Variants in TSHZ2 observed in about 807,000 individuals in gnomAD.
TSHZ2 encodes the protein teashirt homolog 2.
Under a neutral mutation model 74.4 loss-of-function variants are expected in TSHZ2, and 21 were observed. The ratio of observed to expected loss-of-function variants is 0.28; its 90% CI spans 0.20 to 0.41. The LOEUF (loss-of-function observed/expected upper bound fraction) is 0.41. Among genes scored for constraint, TSHZ2 ranks in the 10% least tolerant of loss-of-function variants. The pLI is 1.00. For missense variants in TSHZ2, 1,244 were observed against 1,293.5 expected (o/e 0.96, Z 0.59); for synonymous variants, 540 against 515.3 (o/e 1.05, Z -0.65).
chr20:53,352,230 CTCTTT>C, intron 2 of TSHZ2, among the ~76,000 whole-genome samples: 1 of 98,378 alleles, frequency 1.0e-5, no homozygotes, highest in African/African-American at 4.0e-5. Context: ...CTCTCCTAAG[CTCTTT>C]TTTTTTTTTT....
intron 1 of TSHZ2, among the ~76,000 whole-genome samples, chr20:53,221,536 T>C (rs1422044237): frequency 6.6e-6 from 1 of 152,196 alleles, no homozygotes; most frequent in Admixed American, 6.5e-5. Flanking sequence ...CGGAGTGGTA[T>C]AAGAAGAAAT....
intron 1 of TSHZ2, among the ~76,000 whole-genome samples, chr20:53,062,437 G>A (rs1027054627): frequency 6.6e-6 from 1 of 152,214 alleles, no homozygotes; most frequent in Non-Finnish European, 1.5e-5. Flanking sequence ...TTGTGACAAT[G>A]TAATTTCAGA....
intron 1 of TSHZ2, among the ~76,000 whole-genome samples, chr20:53,069,307 C>G (rs947445290): frequency 6.6e-5 from 10 of 152,014 alleles, no homozygotes; most frequent in African/African-American, 2.4e-4. Context: ...CAAGATGGGC[C>G]CTACTGAAGA....
chr20:53,275,876 G>A (rs779233217), intron 2 of TSHZ2, among the ~76,000 whole-genome samples: 6 of 152,152 alleles, frequency 3.9e-5, no homozygotes, highest in Admixed American at 6.5e-5. Context: ...GTGGTGAGCC[G>A]AGATCGCACC....
intron 1 of TSHZ2, among the ~76,000 whole-genome samples, chr20:53,006,700 C>A (rs1166726565): frequency 1.3e-5 from 2 of 152,144 alleles, no homozygotes; most frequent in Non-Finnish European, 2.9e-5. Flanking sequence ...ATGTAAACTG[C>A]CATTTTATAA....
chr20:53,335,680 G>A (rs1391455320), intron 2 of TSHZ2, among the ~76,000 whole-genome samples: 2 of 152,230 alleles, frequency 1.3e-5, no homozygotes, highest in Non-Finnish European at 2.9e-5. Context: ...TGAGAAGGGT[G>A]TTGAGGAAGG....
At chr20:52,998,376 C>G (rs1476313486) in intron 1 of TSHZ2, among the ~76,000 whole-genome samples, 1 of 152,174 alleles carries the variant, frequency 6.6e-6, no homozygotes, top group Admixed American at 6.5e-5. Flanking sequence ...GCCATGTTGG[C>G]CAGGCTGGTC....
At chr20:53,436,539 A>ATTTTTTTT (rs1368192791) in intron 2 of TSHZ2, among the ~76,000 whole-genome samples, 26 of 89,988 alleles carry the variant, frequency 2.9e-4, no homozygotes, top group East Asian at 8.1e-4. Context: ...TATTATTATT[A>ATTTTTTTT]TTATTATTAT....
At chr20:53,044,638 T>C (rs1984160346) in intron 1 of TSHZ2, among the ~76,000 whole-genome samples, 1 of 152,156 alleles carries the variant, frequency 6.6e-6, no homozygotes, top group Non-Finnish European at 1.5e-5. Flanking sequence ...CACAGAGTTC[T>C]TGGACCCCAG....
At chr20:53,058,979 A>T (rs1365247980) in intron 1 of TSHZ2, among the ~76,000 whole-genome samples, 11 of 152,230 alleles carry the variant, frequency 7.2e-5, no homozygotes, top group Admixed American at 6.5e-4. Context: ...CTGACAGAAG[A>T]TGACGATAAA....
intron 2 of TSHZ2, among the ~76,000 whole-genome samples, chr20:53,300,569 A>T (rs930098214): frequency 2.0e-5 from 3 of 152,316 alleles, no homozygotes; most frequent in East Asian, 3.9e-4. Context: ...TCTCCAATAG[A>T]TAAAATACAA....
At chr20:53,092,223 G>A (rs1156835561) in intron 1 of TSHZ2, among the ~76,000 whole-genome samples, 8 of 151,864 alleles carry the variant, frequency 5.3e-5, no homozygotes, top group Non-Finnish European at 8.8e-5. Context: ...AGCCCTATAC[G>A]AGAGACCTTA....
chr20:53,460,377 C>G (rs200951548), intron 2 of TSHZ2, among the ~76,000 whole-genome samples: 4 of 152,306 alleles, frequency 2.6e-5, no homozygotes, highest in South Asian at 2.1e-4. Context: ...CGTAGTTCTC[C>G]AGCCTTGGTT....
At chr20:53,108,396 A>G (rs1986440101) in intron 1 of TSHZ2, among the ~76,000 whole-genome samples, 1 of 152,252 alleles carries the variant, frequency 6.6e-6, no homozygotes. Flanking sequence ...CTTGTATTCC[A>G]CATTCCACAA....
At chr20:53,185,306 G>A (rs893112808) in intron 1 of TSHZ2, 14 of 1,050,510 alleles carry the variant, frequency 1.3e-5, no homozygotes, top group South Asian at 3.8e-5. Flanking sequence ...GAACACACCC[G>A]ACATGTAGGC....
chr20:53,369,519 C>A (rs974771175), intron 2 of TSHZ2, among the ~76,000 whole-genome samples: 2 of 151,900 alleles, frequency 1.3e-5, no homozygotes, highest in Admixed American at 1.3e-4. Context: ...CCAGCCGGGC[C>A]AGCATGGTGA....
chr20:53,282,305 A>G (rs1600787611), intron 2 of TSHZ2, among the ~76,000 whole-genome samples: 1 of 152,350 alleles, frequency 6.6e-6, no homozygotes, highest in East Asian at 1.9e-4. Context: ...GCAATTCAAA[A>G]TAGTGCAAAT....
chr20:53,266,820 C>T (rs368263986), intron 2 of TSHZ2, among the ~76,000 whole-genome samples: 268 of 146,374 alleles, frequency 1.8e-3, no homozygotes, highest in African/African-American at 6.4e-3. Flanking sequence ...CTCTGTCGCC[C>T]AGGCTGGAGT....
rs147298489 is a variant in TSHZ2 at position 53,351,419 on chromosome 20, A to C, written c.*8+94848A>C. Among the ~76,000 whole-genome samples, 52 of 152,364 alleles carry C rather than the reference A, an allele frequency of 3.4e-4. 1 individual carries two copies. The East Asian group carries it at 9.0e-3, about 27-fold the overall frequency. ...AGAATCTATGATGGAGAAAAATATG[A>C]AGAAAATAAAGAATTTTTTTAACGA... On this transcript the variant is annotated intron_variant, in intron 2 of 2. Coordinates refer to ENST00000371497, the MANE Select transcript of TSHZ2 (RefSeq NM_173485.6).
Sources: gnomAD v4.1 joint callset for allele counts (sites outside exome capture counted in the v4.1 genomes callset) on GRCh38, gnomAD v4.1.1 for gene constraint, MANE v1.5 for transcripts, NCBI Gene and HGNC (gene_info 2026-07-23, HGNC 2026-07-21) for gene names.